The following NCOA4 variants were observed in gnomAD, a reference collection of about 807,000 sequenced individuals.
NCOA4 encodes 70 kDa AR-activator.
A neutral mutation model predicts 69.5 loss-of-function variants in NCOA4; 31 were observed. That is an observed-to-expected ratio of 0.45 (90% CI 0.34 to 0.60). The LOEUF is 0.60. Among genes scored for constraint, NCOA4 ranks in the 20% least tolerant of loss-of-function variants. NCOA4 has a pLI of 0.02. For synonymous variants in NCOA4, 228 were observed against 252.4 expected (o/e 0.90, Z 0.92); for missense variants, 600 against 719.2 (o/e 0.83, Z 1.90).
chr10:46,009,243 AATAC>A, intron 9 of NCOA4, 164 bp downstream of exon 9: 1 of 1,519,766 alleles, frequency 6.6e-7, no homozygotes, highest in East Asian at 2.5e-5. Flanking sequence ...ATTCAATTAA[AATAC>A]ATCAACTTTT....
chr10:46,009,254 T>C, intron 9 of NCOA4, 157 bp downstream of exon 9: 1 of 1,500,118 alleles, frequency 6.7e-7, no homozygotes, highest in Non-Finnish European at 9.1e-7. Context: ...ATACATCAAC[T>C]TTTTATGAGC....
At chr10:46,013,713 T>C in intron 5 of NCOA4, 74 bp from the exon 6 acceptor site, 2 of 1,070,000 alleles carry the variant, frequency 1.9e-6, no homozygotes, top group South Asian at 2.8e-5. Flanking sequence ...ATTCCAAATT[T>C]CAAAAATGTT....
At chr10:46,023,246 C>A in intron 1 of NCOA4, 1 of 982,214 alleles carries the variant, frequency 1.0e-6, no homozygotes, top group Non-Finnish European at 1.2e-6. Flanking sequence ...TCAGCCGCTG[C>A]GACCCGGCTC....
rs1838816560 is a variant in NCOA4, at chr10:46,006,502, C to T, written c.*90G>A. ...GAAGAACTAAGCTAATTGGTCAGAC[C>T]CAGAAACACAAAGATTTGGCAAGCT... On this transcript the variant is annotated 3_prime_UTR_variant, in exon 10 of 10. Coordinates refer to ENST00000581486, the MANE Select transcript of NCOA4 (RefSeq NM_001145263.2). 7 of 1,484,900 alleles carry T rather than the reference C, an allele frequency of 4.7e-6. No individual in the cohort carries two copies. Among genetic ancestry groups the T allele is most frequent in the Non-Finnish European group, 5.6e-6 (6 of 1,064,108 alleles). 92.0% of individuals were successfully genotyped at this position (1,484,900 alleles called of 1,614,324 possible).
Position 46,010,474 on chromosome 10 carries a change from C to T in NCOA4, c.1447G>A (p.Ala483Thr), listed in dbSNP as rs142507073. The T allele has an allele frequency of 6.6e-4, 1,060 of 1,614,210 alleles. 8 individuals are homozygous for T. In the African/African-American group the frequency reaches 0.013, roughly 19 times the overall value. ...APKAMTPSRI[A>T]DSFQVIKNSP... ...TTCTTTATGACTTGGAAGGAATCAG[C>T]AATTCTAGAAGGAGTCATTGCCTTT... The change falls in exon 8 of 10, where the codon GCT becomes ACT. Residue 483 changes from alanine to threonine, a missense_variant. By Grantham distance (58) the Ala-to-Thr change is moderately conservative (BLOSUM62 0). Coordinates refer to ENST00000581486, the MANE Select transcript of NCOA4 (RefSeq NM_001145263.2).
intron 9 of NCOA4, chr10:46,009,085 G>A (rs1554920437): frequency 7.8e-7 from 1 of 1,278,322 alleles, no homozygotes; most frequent in Non-Finnish European, 1.1e-6. Context: ...TCTTTATTGG[G>A]ATATTTGCTT....
intron 1 of NCOA4, among the ~76,000 whole-genome samples, chr10:46,017,318 G>A (rs1227859305): frequency 6.6e-6 from 1 of 152,170 alleles, no homozygotes; most frequent in African/African-American, 2.4e-5. Context: ...AGGCCAAGGT[G>A]GGTGGATCAC....
chr10:46,006,263 T>C lies in NCOA4; in HGVS notation c.*329A>G, dbSNP rs1838803371. The C allele has an allele frequency of 5.3e-6, 2 of 375,066 alleles. No individual in the cohort carries two copies. The highest frequency in any genetic ancestry group is 2.0e-5 in the African/African-American group (1 of 50,612). 23.2% of individuals were successfully genotyped at this position (375,066 alleles called of 1,614,324 possible). A position where few individuals can be genotyped will look rare whatever the true frequency, so the allele number is the denominator to read the frequency against. On this transcript the variant is annotated 3_prime_UTR_variant, in exon 10 of 10. Coordinates refer to ENST00000581486, the MANE Select transcript of NCOA4 (RefSeq NM_001145263.2). ...TTCGATAAACAAGAGTGTTTTAATG[T>C]ACTTTTAGTAACGACCCAATCTAAG... is the stretch of plus-strand genomic sequence containing the variant.
At chr10:46,016,753 GAATCATCCCTCAAATGATC>G (rs1230195309) in intron 1 of NCOA4, 59 bp from the exon 2 acceptor site, 3 of 1,214,766 alleles carry the variant, frequency 2.5e-6, no homozygotes, top group Admixed American at 3.0e-5. Flanking sequence ...AACCACCTTT[GAATCATCCCTCAAATGATC>G]ATTCCAGCCA....
rs1269944493 is a variant in NCOA4 at position 46,011,203 on chromosome 10, A to C, written c.718T>G (p.Ser240Ala). ...QKQTLENSQT[S>A]SRACNFFNNV... Reference sequence around the variant, plus strand: ...TTGAAGAAATTGCAGGCTCTGGAAGAAGTCTACACAAAAAGTACACAGTAT... The same window carrying C: ...TTGAAGAAATTGCAGGCTCTGGAAGCAGTCTACACAAAAAGTACACAGTAT... The change falls in exon 8 of 10, where the codon TCT becomes GCT. Residue 240 changes from serine (S) to alanine (A), a missense_variant. Transcript: ENST00000581486. 6 of 1,581,318 alleles carry C rather than the reference A, an allele frequency of 3.8e-6. No homozygotes were observed. The highest frequency in any genetic ancestry group is 5.1e-6 in the Non-Finnish European group (6 of 1,168,534).
intron 1 of NCOA4, 43 bp from the exon 2 acceptor site, chr10:46,016,737 A>G: frequency 7.8e-7 from 1 of 1,286,110 alleles, no homozygotes; most frequent in South Asian, 2.6e-5. Context: ...CATAATTACA[A>G]CCAAAAACCA....
In NCOA4 at chr10:46,006,708, T is replaced by C. The variant is rs80329954; in HGVS notation, c.1840-111A>G. 3,102 of 998,162 alleles carry C rather than the reference T, an allele frequency of 3.1e-3. 23 individuals carry two copies. The highest frequency in any genetic ancestry group is 0.014 in the East Asian group (564 of 41,356). 61.8% of individuals were successfully genotyped at this position (998,162 alleles called of 1,614,324 possible). ...CCAATACAGGTATACCCTTGTTACA[T>C]TGTATTTTTTACAAATTAAGCATTT... On this transcript the variant is annotated intron_variant, in intron 9 of 9. Coordinates refer to ENST00000581486, the MANE Select transcript of NCOA4 (RefSeq NM_001145263.2).
intron 1 of NCOA4, among the ~76,000 whole-genome samples, chr10:46,028,344 C>T (rs1397132696): frequency 6.6e-6 from 1 of 152,122 alleles, no homozygotes; most frequent in African/African-American, 2.4e-5. Flanking sequence ...AGAAAACATA[C>T]TAGAAGGTAA....
chr10:46,012,066 G>T (rs1554921779), intron 7 of NCOA4, among the ~76,000 whole-genome samples: 2 of 6,736 alleles, frequency 3.0e-4, no homozygotes, highest in Non-Finnish European at 7.3e-4. Flanking sequence ...GTCTCAAAAA[G>T]AAAGAAAAAA....
chr10:46,012,233 C>T (rs1359326550), intron 7 of NCOA4, among the ~76,000 whole-genome samples: 1 of 152,078 alleles, frequency 6.6e-6, no homozygotes, highest in Non-Finnish European at 1.5e-5. Flanking sequence ...AGCAGGTACC[C>T]TGAATATTCT....
At chr10:46,024,449 TC>T (rs1487233595) in intron 1 of NCOA4, among the ~76,000 whole-genome samples, 11 of 152,202 alleles carry the variant, frequency 7.2e-5, no homozygotes, top group Admixed American at 6.5e-5. Flanking sequence ...CTCTAAAAGA[TC>T]CTGACCAACG....
At chr10:46,027,419 T>C in intron 1 of NCOA4, 1 of 1,551,240 alleles carries the variant, frequency 6.4e-7, no homozygotes. Context: ...ATGGAGATAG[T>C]ATTAATGCCT....
At chr10:46,017,236 G>A (rs1227881487) in intron 1 of NCOA4, among the ~76,000 whole-genome samples, 5 of 152,008 alleles carry the variant, frequency 3.3e-5, no homozygotes, top group African/African-American at 1.2e-4. Context: ...TGACTTCACA[G>A]CTAGGAAGTT....
chr10:46,012,939 GTATGTAAGGAGCTTGA>G lies in NCOA4; in HGVS notation c.642_657del (p.Gln215ProfsTer35). On this transcript the variant is annotated frameshift_variant, in exon 7 of 10. Transcript: ENST00000581486. LOFTEE classifies it high-confidence loss of function. ...AGCCAGTCCTGGGGGTCGGTGCTGG[GTATGTAAGGAGCTTGA>G]TAACCACTGGCAGGTTTGCTTCCAA... 6.2e-7 allele frequency: 1 copy of G among 1,614,170 alleles called. No homozygotes were observed. The highest frequency in any genetic ancestry group is 8.5e-7 in the Non-Finnish European group (1 of 1,180,014).
Sources: allele counts gnomAD v4.1 joint callset (sites outside exome capture counted in the v4.1 genomes callset), GRCh38; gene constraint gnomAD v4.1.1; transcripts MANE v1.5; gene names NCBI Gene and HGNC (gene_info 2026-07-23, HGNC 2026-07-21).